The following BICDL1 variants were observed in gnomAD, a reference collection of about 807,000 sequenced individuals.
BICDL1 encodes BICD family like cargo adaptor 1, also known as BICD family-like cargo adapter 1.
Under a neutral mutation model 76.8 loss-of-function variants are expected in BICDL1, and 20 were observed. The observed-to-expected ratio is 0.26, with a 90% CI of 0.18 to 0.38. BICDL1 has a LOEUF of 0.38. Ranked by LOEUF, BICDL1 falls within the 10% of genes least tolerant of loss-of-function variation. The pLI, the probability that BICDL1 is intolerant of heterozygous loss-of-function variation, is 1.00. For synonymous variants in BICDL1, 383 were observed against 337.1 expected, an observed-to-expected ratio of 1.14 and a Z score of -1.49; for missense variants, 700 against 798.6, an observed-to-expected ratio of 0.88 and a Z score of 1.49.
At chr12:120,065,708 G>T (rs1243082779) in intron 4 of BICDL1, among the ~76,000 whole-genome samples, 4 of 152,222 alleles carry the variant, frequency 2.6e-5, no homozygotes, top group Non-Finnish European at 1.5e-5. Context: ...TGCAGAGGTG[G>T]TCAGCCAGGT....
At position 120,087,722 on chromosome 12, in the gene BICDL1, G is replaced by A. The variant is rs577355409; in HGVS notation, c.1584-2229G>A. Among the ~76,000 whole-genome samples the A allele has an allele frequency of 4.6e-5, 7 of 152,228 alleles. No individual in the cohort carries two copies. The East Asian group carries it at 5.8e-4, about 13-fold the overall frequency. ...CAGAGGTCCTTCCACCTTTATTCCC[G>A]TTCCCCTGCCCTCGAAAAAAATTAA... On this transcript the variant is annotated intron_variant, in intron 8 of 9. Coordinates refer to ENST00000548673, the MANE Select transcript of BICDL1 (RefSeq NM_001367886.1).
At chr12:120,072,380 C>A (rs1873174161) in intron 5 of BICDL1, 131 bp from the exon 6 acceptor site, 52 of 775,298 alleles carry the variant, frequency 6.7e-5, no homozygotes, top group African/African-American at 1.9e-4. Flanking sequence ...AAAAAAAACA[C>A]AGAACAAAAA....
intron 2 of BICDL1, among the ~76,000 whole-genome samples, chr12:120,043,670 C>G (rs991362794): frequency 6.6e-6 from 1 of 152,212 alleles, no homozygotes; most frequent in African/African-American, 2.4e-5. Context: ...CTCATTAATT[C>G]TCTGGTGATC....
At chr12:120,040,751 C>CTT (rs57089775) in intron 2 of BICDL1, among the ~76,000 whole-genome samples, 13,376 of 134,170 alleles carry the variant, frequency 0.1, 1,121 homozygotes, top group East Asian at 0.39. Flanking sequence ...ATAGGAAATA[C>CTT]TTTTTTTTTT....
intron 2 of BICDL1, among the ~76,000 whole-genome samples, chr12:120,022,410 A>G (rs985843881): frequency 1.4e-5 from 2 of 146,936 alleles, no homozygotes; most frequent in African/African-American, 4.9e-5. Context: ...AAAAATATAT[A>G]TTTATATATA....
chr12:120,080,702 A>T, intron 7 of BICDL1, 185 bp from the exon 8 acceptor site: 1 of 512,420 alleles, frequency 2.0e-6, no homozygotes, highest in Non-Finnish European at 3.4e-6. Context: ...CTAGCATGTG[A>T]TGTGGTACCC....
At chr12:120,090,176 G>T in intron 9 of BICDL1, 105 bp downstream of exon 9, 2 of 1,350,326 alleles carry the variant, frequency 1.5e-6, no homozygotes, top group Non-Finnish European at 2.0e-6. Flanking sequence ...CCATGTGACT[G>T]GGTGAACAGC....
chr12:120,040,297 G>C (rs531977258), intron 2 of BICDL1, among the ~76,000 whole-genome samples: 1 of 151,928 alleles, frequency 6.6e-6, no homozygotes, highest in Non-Finnish European at 1.5e-5. Context: ...ATCGCTGTTG[G>C]TCAGGCTGGT....
intron 2 of BICDL1, among the ~76,000 whole-genome samples, chr12:120,052,883 T>G (rs1472542641): frequency 6.6e-6 from 1 of 152,204 alleles, no homozygotes; most frequent in Non-Finnish European, 1.5e-5. Flanking sequence ...GCGATTCTCC[T>G]GCCTCAGCCT....
intron 2 of BICDL1, among the ~76,000 whole-genome samples, chr12:120,032,745 ATTTTT>A (rs35727779): frequency 1.6e-5 from 2 of 124,484 alleles, no homozygotes; most frequent in East Asian, 2.3e-4. Context: ...TACATCTATA[ATTTTT>A]TTTTTTTTTT....
At chr12:120,024,295 C>CAA (rs1952243911) in intron 2 of BICDL1, among the ~76,000 whole-genome samples, 1 of 151,900 alleles carries the variant, frequency 6.6e-6, no homozygotes, top group Non-Finnish European at 1.5e-5. Flanking sequence ...CAAAACAAAA[C>CAA]AAAAAACACA....
chr12:120,040,428 T>C (rs187428558), intron 2 of BICDL1, among the ~76,000 whole-genome samples: 1,822 of 151,974 alleles, frequency 0.012, 39 homozygotes, highest in African/African-American at 0.041. Context: ...TCTTTTTGTT[T>C]TTTTGTTTGT....
intron 2 of BICDL1, among the ~76,000 whole-genome samples, chr12:120,042,489 G>C (rs1952662101): frequency 6.6e-6 from 1 of 152,056 alleles, no homozygotes; most frequent in Non-Finnish European, 1.5e-5. Context: ...AGTGGATGTG[G>C]TAAGTAGGCA....
At chr12:120,042,146 C>A (rs1261690603) in intron 2 of BICDL1, among the ~76,000 whole-genome samples, 1 of 151,926 alleles carries the variant, frequency 6.6e-6, no homozygotes, top group Non-Finnish European at 1.5e-5. Context: ...GTGATAGCAT[C>A]CTGGATATTA....
At position 120,067,964 on chromosome 12, in the gene BICDL1, A is replaced by G. The variant is rs554446297; in HGVS notation, c.909+3085A>G. On this transcript the variant is annotated intron_variant, in intron 4 of 9. Transcript: ENST00000548673. The stretch of plus-strand genomic sequence containing the variant: ...AGAACTACGCAGAGCAGGCTTGCCA[A>G]TCCTTTCTTCATTCTCTGGGCAGCC... Among the ~76,000 whole-genome samples, 5 of 152,330 alleles carry G rather than the reference A, an allele frequency of 3.3e-5. No individual in the cohort carries two copies. The East Asian group carries it at 7.7e-4, about 23-fold the overall frequency.
chr12:120,060,876 CA>C (rs1159843059), intron 2 of BICDL1, among the ~76,000 whole-genome samples: 1 of 152,192 alleles, frequency 6.6e-6, no homozygotes, highest in Non-Finnish European at 1.5e-5. Flanking sequence ...GCCGTTCCAG[CA>C]CACGGTGATC....
At chr12:119,997,941 C>T (rs139363546) in intron 1 of BICDL1, among the ~76,000 whole-genome samples, 461 of 152,220 alleles carry the variant, frequency 3.0e-3, no homozygotes, top group Non-Finnish European at 5.2e-3. Context: ...TTGTAAAACC[C>T]CATCTCTACT....
chr12:119,989,819 T>C lies in BICDL1; in HGVS notation c.-50T>C. 1 of 1,025,736 alleles carries C rather than the reference T, an allele frequency of 9.7e-7. No homozygotes were observed. The highest frequency in any genetic ancestry group is 1.2e-6 in the Non-Finnish European group (1 of 839,154). The allele number at this position is 1,025,736 out of a possible 1,614,324, so 63.5% of individuals were successfully genotyped here. A position where few individuals can be genotyped will look rare whatever the true frequency, so the allele number is the denominator to read the frequency against. On this transcript the variant is annotated 5_prime_UTR_variant, in exon 1 of 10. Transcript: ENST00000548673. Reference sequence around the variant, plus strand: ...GGCAGGGCCCCTCCCCCCTGCAGCCTGGCGCGCGCGGGCCGGGCCGCACCG... The same window carrying C: ...GGCAGGGCCCCTCCCCCCTGCAGCCCGGCGCGCGCGGGCCGGGCCGCACCG...
rs973924279 is a variant in BICDL1 at position 120,091,081 on chromosome 12, G to A, written c.1704+1010G>A. The A allele has an allele frequency of 2.1e-5, 27 of 1,284,022 alleles. No individual in the cohort carries two copies. The African/African-American group carries it at 3.4e-4, about 16-fold the overall frequency. 79.5% of individuals were successfully genotyped at this position (1,284,022 alleles called of 1,614,324 possible). A position where few individuals can be genotyped will look rare whatever the true frequency, so the allele number is the denominator to read the frequency against. On this transcript the variant is annotated intron_variant, in intron 9 of 9. Coordinates refer to ENST00000548673, the MANE Select transcript of BICDL1 (RefSeq NM_001367886.1). ...CCTGCCATTGCTGTGCTGCCCCGCC[G>A]CCTCCCCTCATGGCCCACTGTGTTC...
Sources: gnomAD v4.1 joint callset for allele counts (sites outside exome capture counted in the v4.1 genomes callset) on GRCh38, gnomAD v4.1.1 for gene constraint, MANE v1.5 for transcripts, NCBI Gene and HGNC (gene_info 2026-07-23, HGNC 2026-07-21) for gene names.